Variants in ZBTB20 observed in about 807,000 individuals in gnomAD.
ZBTB20 encodes the protein zinc finger and BTB domain-containing protein 20.
In ZBTB20, 9 loss-of-function variants were observed where a neutral mutation model predicts 56.9. The ratio of observed to expected loss-of-function variants is 0.16; its 90% CI spans 0.10 to 0.28. The LOEUF is 0.28. Among genes scored for constraint, ZBTB20 ranks in the 10% least tolerant of loss-of-function variants. The pLI, the probability that ZBTB20 is intolerant of heterozygous loss-of-function variation, is 1.00. For missense variants in ZBTB20, 655 were observed against 1,003.0 expected, an observed-to-expected ratio of 0.65 and a Z score of 4.69; for synonymous variants, 417 against 420.7, an observed-to-expected ratio of 0.99 and a Z score of 0.11.
In ZBTB20 at chr3:114,331,842, C is replaced by G. The variant is rs1312463498; in HGVS notation, c.*7163G>C. The G allele has an allele frequency of 6.6e-6, 1 of 152,086 alleles. No individual in the cohort carries two copies. The highest frequency in any genetic ancestry group is 1.9e-4 in the East Asian group (1 of 5,186). 9.4% of individuals were successfully genotyped at this position (152,086 alleles called of 1,614,324 possible). On this transcript the variant is annotated 3_prime_UTR_variant, in exon 12 of 12. Coordinates refer to ENST00000675478, the MANE Select transcript of ZBTB20 (RefSeq NM_001348800.3). ...AAAAATGTATCTTGTTGTCACTGGG[C>G]AATATGAATGTGAAACAGTTTTGTG...
At chr3:114,459,706 T>A (rs1170767271) in intron 7 of ZBTB20, among the ~76,000 whole-genome samples, 1 of 152,178 alleles carries the variant, frequency 6.6e-6, no homozygotes, top group Non-Finnish European at 1.5e-5. Context: ...TATCCTAAGA[T>A]TAGTGATTTG....
intron 2 of ZBTB20, among the ~76,000 whole-genome samples, chr3:114,983,309 T>C (rs1174139156): frequency 2.6e-5 from 4 of 152,042 alleles, no homozygotes; most frequent in Non-Finnish European, 5.9e-5. Flanking sequence ...CAGCATGAGG[T>C]ATTCGTCTCT....
chr3:115,122,955 C>G (rs2084224668), intron 1 of ZBTB20, among the ~76,000 whole-genome samples: 1 of 152,088 alleles, frequency 6.6e-6, no homozygotes, highest in African/African-American at 2.4e-5. Context: ...ATCAAAAGGT[C>G]AGAACCCAGT....
intron 6 of ZBTB20, among the ~76,000 whole-genome samples, chr3:114,514,793 C>T (rs977555351): frequency 3.3e-5 from 5 of 152,068 alleles, no homozygotes; most frequent in South Asian, 2.1e-4. Flanking sequence ...CAGAATAAAT[C>T]GATAATCTTA....
At chr3:114,879,898 C>A (rs1403461771) in intron 4 of ZBTB20, among the ~76,000 whole-genome samples, 2 of 152,188 alleles carry the variant, frequency 1.3e-5, no homozygotes, top group African/African-American at 2.4e-5. Flanking sequence ...CTAATTTACA[C>A]ACACCTGCTG....
intron 3 of ZBTB20, among the ~76,000 whole-genome samples, chr3:114,960,251 T>C (rs545294962): frequency 1.7e-4 from 26 of 152,348 alleles, no homozygotes; most frequent in Non-Finnish European, 3.7e-4. Context: ...ATACATATTT[T>C]CACAAGCACA....
At chr3:114,560,012 A>G (rs141479508) in intron 6 of ZBTB20, among the ~76,000 whole-genome samples, 312 of 152,314 alleles carry the variant, frequency 2.0e-3, no homozygotes, top group Middle Eastern at 6.8e-3. Context: ...AAAAAAATAT[A>G]TAATTCTAAA....
At chr3:114,359,240 A>G (rs1030235032) in intron 10 of ZBTB20, 12 of 152,222 alleles carry the variant, frequency 7.9e-5, no homozygotes, top group African/African-American at 2.7e-4. Flanking sequence ...AATTCCAACC[A>G]TAAGTTAAAA....
intron 7 of ZBTB20, among the ~76,000 whole-genome samples, chr3:114,440,931 C>T (rs953150849): frequency 6.6e-6 from 1 of 152,174 alleles, no homozygotes; most frequent in South Asian, 2.1e-4. Context: ...GAGTCCCTGA[C>T]CTTAGATGGT....
chr3:114,839,543 C>T (rs2074294668), intron 4 of ZBTB20, among the ~76,000 whole-genome samples: 1 of 152,140 alleles, frequency 6.6e-6, no homozygotes, highest in African/African-American at 2.4e-5. Flanking sequence ...AGAGGAATCT[C>T]TCAAAACAAT....
intron 1 of ZBTB20, among the ~76,000 whole-genome samples, chr3:115,137,059 A>C (rs77453461): frequency 0.019 from 2,829 of 152,168 alleles, 40 homozygotes; most frequent in Non-Finnish European, 0.031. Flanking sequence ...CTAACTTTAA[A>C]ATACATTTTT....
At chr3:114,432,994 A>G (rs2108899583) in intron 7 of ZBTB20, among the ~76,000 whole-genome samples, 1 of 152,300 alleles carries the variant, frequency 6.6e-6, no homozygotes, top group Non-Finnish European at 1.5e-5. Context: ...AACAGGGTGT[A>G]CAAAACCATT....
At chr3:114,342,596 G>A (rs1186312572) in intron 11 of ZBTB20, among the ~76,000 whole-genome samples, 2 of 152,132 alleles carry the variant, frequency 1.3e-5, no homozygotes, top group African/African-American at 4.8e-5. Context: ...TCTATAACTT[G>A]AGAATAATAT....
intron 1 of ZBTB20, among the ~76,000 whole-genome samples, chr3:115,091,553 T>C (rs1242553971): frequency 6.6e-6 from 1 of 151,936 alleles, no homozygotes; most frequent in Non-Finnish European, 1.5e-5. Flanking sequence ...GAGAAAATGG[T>C]CATTTTAAGA....
intron 4 of ZBTB20, among the ~76,000 whole-genome samples, chr3:114,888,819 T>C (rs2076700385): frequency 6.6e-6 from 1 of 152,180 alleles, no homozygotes; most frequent in Admixed American, 6.5e-5. Context: ...TCCTATTTGC[T>C]ACACAAATTT....
intron 4 of ZBTB20, among the ~76,000 whole-genome samples, chr3:114,810,423 G>A (rs2072434785): frequency 6.6e-6 from 1 of 152,134 alleles, no homozygotes; most frequent in South Asian, 2.1e-4. Context: ...CTAAGGGCAT[G>A]GGGTTTTTCT....
At position 114,844,744 on chromosome 3, in the gene ZBTB20, T is replaced by A. The variant is rs113710100; in HGVS notation, c.-416-43570A>T. On this transcript the variant is annotated intron_variant, in intron 4 of 11. Transcript: ENST00000675478. ...CTTGCTATGCTCAGTCTTTTAAATG[T>A]CAGTCATTCTAAAGGATGTGTAATA... Among the ~76,000 whole-genome samples, 1,506 of 151,368 alleles carry A rather than the reference T, an allele frequency of 9.9e-3. 24 individuals carry two copies. The highest frequency in any genetic ancestry group is 0.035 in the African/African-American group (1,435 of 41,428).
intron 5 of ZBTB20, chr3:114,758,789 C>A (rs1291800835): frequency 6.6e-6 from 1 of 152,092 alleles, no homozygotes; most frequent in Non-Finnish European, 1.5e-5. Flanking sequence ...CTCCAATAAA[C>A]AAGTTGATTT....
At chr3:114,836,951 G>C (rs1299880536) in intron 4 of ZBTB20, among the ~76,000 whole-genome samples, 1 of 152,094 alleles carries the variant, frequency 6.6e-6, no homozygotes, top group South Asian at 2.1e-4. Flanking sequence ...ATCTGTTCAT[G>C]ACCATCTTTC....
Sources: allele counts gnomAD v4.1 joint callset (sites outside exome capture counted in the v4.1 genomes callset), GRCh38; gene constraint gnomAD v4.1.1; transcripts MANE v1.5; gene names NCBI Gene and HGNC (gene_info 2026-07-23, HGNC 2026-07-21).